The following VWA7 variants were observed in gnomAD, a reference collection of about 807,000 sequenced individuals.
VWA7 encodes von Willebrand factor A domain containing 7, also known as von Willebrand factor A domain-containing protein 7.
VWA7 carries 66 observed loss-of-function variants against 83.1 expected under a neutral mutation model. The ratio of observed to expected loss-of-function variants is 0.79; its 90% CI spans 0.65 to 0.98. The LOEUF (loss-of-function observed/expected upper bound fraction) is 0.98. Among genes scored for constraint, VWA7 ranks in the 50% least tolerant of loss-of-function variants. The pLI, the probability that VWA7 is intolerant of heterozygous loss-of-function variation, is 0.00. For missense variants in VWA7, 1,080 were observed against 1,160.2 expected, an observed-to-expected ratio of 0.93 and a Z score of 1.00; for synonymous variants, 424 against 488.5, an observed-to-expected ratio of 0.87 and a Z score of 1.74.
At chr6:31,765,829 A>G (rs1387931364) in intron 16 of VWA7, 54 bp downstream of exon 16, 29 of 1,603,082 alleles carry the variant, frequency 1.8e-5, no homozygotes, top group Non-Finnish European at 2.5e-5. Flanking sequence ...AATTAAACCT[A>G]CACCACCCTC....
Position 31,769,647 on chromosome 6 carries a change from C to T in VWA7, c.1317+28G>A, listed in dbSNP as rs1811974471. 1.3e-6 allele frequency: 2 copies of T among 1,581,372 alleles called. No homozygotes were observed. The highest frequency in any genetic ancestry group is 2.7e-5 in the African/African-American group (2 of 74,258). On this transcript the variant is annotated intron_variant, in intron 9 of 16. Transcript: ENST00000375688. The surrounding 1 kb of genome is among the most constrained non-coding windows in gnomAD (Gnocchi z 4.5). ...GTCTCTCACATCCCTGGGAGGCTAA[C>T]ACTGGGTCTCCCACTAGCTCTGCTC...
intron 7 of VWA7, among the ~76,000 whole-genome samples, chr6:31,771,087 C>T (rs1040293842): frequency 3.3e-5 from 5 of 150,638 alleles, no homozygotes; most frequent in Admixed American, 1.3e-4. Context: ...ATAGCACTTA[C>T]CTCAGAGGTT....
Position 31,777,166 on chromosome 6 carries a change from G to T in VWA7, c.-73C>A. 2.7e-6 allele frequency: 1 copy of T among 367,100 alleles called. No individual in the cohort carries two copies. Among genetic ancestry groups the T allele is most frequent in the Non-Finnish European group, 4.9e-6 (1 of 202,654 alleles). The allele number at this position is 367,100 out of a possible 1,614,324, so 22.7% of individuals were successfully genotyped here. A position where few individuals can be genotyped will look rare whatever the true frequency, so the allele number is the denominator to read the frequency against. On this transcript the variant is annotated 5_prime_UTR_variant, in exon 1 of 17. Transcript: ENST00000375688. This position sits in a 1 kb window ranked among gnomAD's most constrained non-coding sequence, Gnocchi z 5.8. The stretch of plus-strand genomic sequence containing the variant: ...CGGGCTTGACGTCACAGGGCACTTA[G>T]GTCAGAGTTATAATTAACCGAGGCT...
Position 31,765,953 on chromosome 6 carries a change from C to T in VWA7, c.2429G>A (p.Gly810Glu). Residue 810 changes from glycine to glutamate, a missense_variant, in exon 16 of 17, where the codon GGA becomes GAA. Transcript: ENST00000375688. ...SVVMVTVTAG[G>E]REANPVPPTH... ...CGGGGGTACTGGGTTGGCTTCTCGT[C>T]CCCCTGCAGTCACAGTCACCATCAC... 1 of 1,613,116 alleles carries T rather than the reference C, an allele frequency of 6.2e-7. No homozygotes were observed. The highest frequency in any genetic ancestry group is 8.5e-7 in the Non-Finnish European group (1 of 1,180,030).
chr6:31,774,729 C>A, intron 4 of VWA7, 103 bp from the exon 5 acceptor site: 2 of 924,644 alleles, frequency 2.2e-6, no homozygotes, highest in Non-Finnish European at 1.6e-6. Flanking sequence ...TGGGATGAGG[C>A]GAACACCCAG....
At chr6:31,772,389 C>T (rs1038101970) in intron 7 of VWA7, among the ~76,000 whole-genome samples, 125 of 151,776 alleles carry the variant, frequency 8.2e-4, no homozygotes, top group African/African-American at 2.9e-3. Context: ...TGGGCTCAAA[C>T]GATCCACCCA....
chr6:31,776,812 C>G lies in VWA7; in HGVS notation c.-15-18G>C, dbSNP rs2151412218. 7.6e-7 allele frequency: 1 copy of G among 1,311,632 alleles called. No homozygotes were observed. The highest frequency in any genetic ancestry group is 2.9e-5 in the East Asian group (1 of 34,422). The allele number at this position is 1,311,632 out of a possible 1,614,324, so 81.2% of individuals were successfully genotyped here. A position where few individuals can be genotyped will look rare whatever the true frequency, so the allele number is the denominator to read the frequency against. On this transcript the variant is annotated intron_variant, in intron 1 of 16. Transcript: ENST00000375688. This position sits in a 1 kb window ranked among gnomAD's most constrained non-coding sequence, Gnocchi z 6.2. The stretch of plus-strand genomic sequence containing the variant: ...ACATGGACCTGGGAGACAGAAGGCT[C>G]TCAAGGGAGGAGGAAGCAGCCGCGA...
rs765357970 is a variant in VWA7 at position 31,765,723 on chromosome 6, C to T, written c.2547G>A (p.Thr849=). 26 of 1,592,732 alleles carry T rather than the reference C, an allele frequency of 1.6e-5. No individual in the cohort carries two copies. Among genetic ancestry groups the T allele is most frequent in the South Asian group, 1.5e-4 (13 of 88,794 alleles). ...PTGSSDPILT[T]ATPAFSPFTL... is the part of the protein sequence containing the mutation. ...TGAAGGGGGAAAAGGCAGGGGTGGCCGTGGTGAGGATCGGGTCAGATGAGC... is the reference window on the plus strand; with the variant it reads ...TGAAGGGGGAAAAGGCAGGGGTGGCTGTGGTGAGGATCGGGTCAGATGAGC... Residue 849 remains threonine (T), a synonymous_variant, in exon 17 of 17, where the codon ACG becomes ACA. Coordinates refer to ENST00000375688, the MANE Select transcript of VWA7 (RefSeq NM_025258.3).
At position 31,773,124 on chromosome 6, in the gene VWA7, C is replaced by T. The variant is rs1812360479; in HGVS notation, c.918-1G>A. 6.2e-7 allele frequency: 1 copy of T among 1,610,382 alleles called. No homozygotes were observed. Reference sequence around the variant, plus strand: ...GGAGGCTGGGGTGATGTCCAGCAGCCTGGGGAGCAAGCCAGAGACACAGTG... The same window carrying T: ...GGAGGCTGGGGTGATGTCCAGCAGCTTGGGGAGCAAGCCAGAGACACAGTG... On this transcript the variant is annotated splice_acceptor_variant, in intron 6 of 16. Coordinates refer to ENST00000375688, the MANE Select transcript of VWA7 (RefSeq NM_025258.3). LOFTEE classifies it high-confidence loss of function. The surrounding 1 kb of genome is among the most constrained non-coding windows in gnomAD (Gnocchi z 5.3).
Position 31,775,291 on chromosome 6 carries a change from G to T in VWA7, c.610+42C>A. 1 of 1,531,082 alleles carries T rather than the reference G, an allele frequency of 6.5e-7. No homozygotes were observed. The highest frequency in any genetic ancestry group is 8.9e-7 in the Non-Finnish European group (1 of 1,117,606). 94.8% of individuals were successfully genotyped at this position (1,531,082 alleles called of 1,614,324 possible). A position where few individuals can be genotyped will look rare whatever the true frequency, so the allele number is the denominator to read the frequency against. Reference sequence around the variant, plus strand: ...CACAGTGGCTGGGTGGACTGAGGTGGCCCTGTGGACTCCTGCCTCACCACC... The same window carrying T: ...CACAGTGGCTGGGTGGACTGAGGTGTCCCTGTGGACTCCTGCCTCACCACC... On this transcript the variant is annotated intron_variant, in intron 4 of 16. Transcript: ENST00000375688. The surrounding 1 kb of genome is among the most constrained non-coding windows in gnomAD (Gnocchi z 5.9).
chr6:31,769,252 C>T lies in VWA7; in HGVS notation c.1318-49G>A. The T allele has an allele frequency of 6.3e-7, 1 of 1,575,610 alleles. No individual in the cohort carries two copies. The highest frequency in any genetic ancestry group is 8.6e-7 in the Non-Finnish European group (1 of 1,159,482). ...GATTGGGGTGTCCAAGTGCCATCCA[C>T]TATTATGAATGAGAATCCCTGTGCT... On this transcript the variant is annotated intron_variant, in intron 9 of 16. Coordinates refer to ENST00000375688, the MANE Select transcript of VWA7 (RefSeq NM_025258.3). This position sits in a 1 kb window ranked among gnomAD's most constrained non-coding sequence, Gnocchi z 4.5.
chr6:31,773,525 C>T lies in VWA7; in HGVS notation c.722-88G>A, dbSNP rs1368330341. 7.1e-6 allele frequency: 9 copies of T among 1,264,772 alleles called. No homozygotes were observed. Among genetic ancestry groups the T allele is most frequent in the Non-Finnish European group, 9.6e-6 (9 of 933,974 alleles). 78.3% of individuals were successfully genotyped at this position (1,264,772 alleles called of 1,614,324 possible). On this transcript the variant is annotated intron_variant, in intron 5 of 16. Coordinates refer to ENST00000375688, the MANE Select transcript of VWA7 (RefSeq NM_025258.3). The surrounding 1 kb of genome is among the most constrained non-coding windows in gnomAD (Gnocchi z 5.3). ...AGGCCCTTTCAGGCCTGGCCTGACC[C>T]TCTCACCCCTCAGCAAGGGTTCAGC...
At chr6:31,774,708 C>A in intron 4 of VWA7, 82 bp from the exon 5 acceptor site, 1 of 1,184,778 alleles carries the variant, frequency 8.4e-7, no homozygotes, top group Non-Finnish European at 1.2e-6. Context: ...TTTTCAGCTT[C>A]TCCTCCCAGC....
At position 31,769,967 on chromosome 6, in the gene VWA7, G is replaced by A; in HGVS notation, c.1200+34C>T. The A allele has an allele frequency of 1.2e-6, 2 of 1,600,900 alleles. No homozygotes were observed. The highest frequency in any genetic ancestry group is 1.1e-5 in the South Asian group (1 of 90,696). On this transcript the variant is annotated intron_variant, in intron 8 of 16. Transcript: ENST00000375688. The surrounding 1 kb of genome is among the most constrained non-coding windows in gnomAD (Gnocchi z 4.5). ...GGGATCTAGCTCCCCCTGGTGGTGG[G>A]GCCAGGAAACGGGGAAGAAGGGAGG...
Position 31,767,903 on chromosome 6 carries a change from C to T in VWA7, c.1504-149G>A, listed in dbSNP as rs1488273603. ...ATCCCAGCACTTTGGGAGGCTGAGG[C>T]GGGTGGATCACAAGGTCAAGAGTTC... On this transcript the variant is annotated intron_variant, in intron 10 of 16. Coordinates refer to ENST00000375688, the MANE Select transcript of VWA7 (RefSeq NM_025258.3). 24 of 865,906 alleles carry T rather than the reference C, an allele frequency of 2.8e-5. No homozygotes were observed. The South Asian group carries it at 3.1e-4, about 11-fold the overall frequency. 53.6% of individuals were successfully genotyped at this position (865,906 alleles called of 1,614,324 possible).
At chr6:31,774,468 G>A (rs949984026) in intron 5 of VWA7, 48 bp downstream of exon 5, 3 of 1,561,008 alleles carry the variant, frequency 1.9e-6, no homozygotes, top group South Asian at 1.1e-5. Context: ...GATCCTGTAA[G>A]GGAATGACTT....
intron 10 of VWA7, among the ~76,000 whole-genome samples, chr6:31,768,808 C>T (rs562923562): frequency 3.3e-5 from 5 of 151,600 alleles, no homozygotes; most frequent in African/African-American, 4.9e-5. Context: ...TGTGCCACTG[C>T]ACTCCAACCT....
chr6:31,775,969 G>A lies in VWA7; in HGVS notation c.508C>T (p.Leu170=). 1 of 1,609,230 alleles carries A rather than the reference G, an allele frequency of 6.2e-7. No individual in the cohort carries two copies. The highest frequency in any genetic ancestry group is 8.5e-7 in the Non-Finnish European group (1 of 1,178,092). Residue 170 remains leucine (L), a synonymous_variant, in exon 3 of 17, where the codon CTG becomes TTG. Transcript: ENST00000375688. The surrounding 1 kb of genome is among the most constrained non-coding windows in gnomAD (Gnocchi z 5.9). The part of the protein sequence containing the change: ...RQRLGAALHA[L]QDFYSHSNWV... ...CAACCCAACCCTGTTCTCACCTGCA[G>A]GGCATGAAGTGCAGCCCCGAGGCGC...
chr6:31,766,053 G>T lies in VWA7; in HGVS notation c.2329C>A (p.His777Asn). Residue 777 changes from histidine to asparagine, a missense_variant, in exon 16 of 17, where the codon CAC (histidine) becomes AAC (asparagine). By Grantham distance (68) the His-to-Asn change is moderately conservative. Transcript: ENST00000375688. This position sits in a 1 kb window ranked among gnomAD's most constrained non-coding sequence, Gnocchi z 4.9. ...FSLTSNLSRAHLELNESAWGR... is the reference protein window; with the variant it reads ...FSLTSNLSRANLELNESAWGR... ...CAGGCCGACTCATTCAGTTCCAGGT[G>T]AGCCCTGGAGAGAGGATATAGGCGT... is the stretch of plus-strand genomic sequence containing the variant. 6.2e-7 allele frequency: 1 copy of T among 1,612,982 alleles called. No homozygotes were observed. Among genetic ancestry groups the T allele is most frequent in the Non-Finnish European group, 8.5e-7 (1 of 1,180,032 alleles).
Sources: allele counts gnomAD v4.1 joint callset (sites outside exome capture counted in the v4.1 genomes callset), GRCh38; gene constraint gnomAD v4.1.1; non-coding constraint Gnocchi (gnomAD v3.1); transcripts MANE v1.5; gene names NCBI Gene and HGNC (gene_info 2026-07-23, HGNC 2026-07-21).